EYA2: variants seen among roughly 807,000 people sequenced by gnomAD.
The protein encoded by EYA2 is protein phosphatase EYA2.
A neutral mutation model predicts 69.2 loss-of-function variants in EYA2; 31 were observed. That is an observed-to-expected ratio of 0.45 (90% CI 0.34 to 0.60). EYA2 has a LOEUF of 0.60. EYA2 is among the 20% of genes least tolerant of loss of function. EYA2 has a pLI of 0.02. For missense variants in EYA2, 622 were observed against 701.2 expected (o/e 0.89, Z 1.28); for synonymous variants, 257 against 279.4 (o/e 0.92, Z 0.80).
chr20:47,069,865 C>CAT (rs11470210), intron 5 of EYA2, among the ~76,000 whole-genome samples: 2 of 151,238 alleles, frequency 1.3e-5, no homozygotes, highest in African/African-American at 2.4e-5. Flanking sequence ...TATATATGCA[C>CAT]ATATATATAT....
At chr20:47,029,509 A>G (rs1984282539) in intron 5 of EYA2, among the ~76,000 whole-genome samples, 1 of 152,230 alleles carries the variant, frequency 6.6e-6, no homozygotes, top group African/African-American at 2.4e-5. Context: ...CAGGGGAAGC[A>G]TGATCAGGTC....
intron 5 of EYA2, among the ~76,000 whole-genome samples, chr20:47,067,745 T>G (rs2031169785): frequency 6.6e-6 from 1 of 152,236 alleles, no homozygotes; most frequent in African/African-American, 2.4e-5. Context: ...TCCTGATGTT[T>G]CCAGCTTTTT....
At chr20:46,904,394 T>G (rs1394569506) in intron 1 of EYA2, among the ~76,000 whole-genome samples, 4 of 151,354 alleles carry the variant, frequency 2.6e-5, no homozygotes, top group African/African-American at 9.7e-5. Context: ...CCAAACAGAT[T>G]TAAAATAATA....
At chr20:47,034,613 C>A (rs1288971010) in intron 5 of EYA2, among the ~76,000 whole-genome samples, 2 of 152,162 alleles carry the variant, frequency 1.3e-5, no homozygotes, top group East Asian at 3.8e-4. Context: ...TGCCCGAGGC[C>A]CTGTCCCCAC....
At chr20:46,940,898 C>T (rs1986128064) in intron 1 of EYA2, among the ~76,000 whole-genome samples, 2 of 152,194 alleles carry the variant, frequency 1.3e-5, no homozygotes, top group South Asian at 4.1e-4. Context: ...CCAGTGACCC[C>T]GGGGTGAAAG....
At chr20:47,112,483 A>G (rs2032774216) in intron 9 of EYA2, among the ~76,000 whole-genome samples, 1 of 152,244 alleles carries the variant, frequency 6.6e-6, no homozygotes, top group African/African-American at 2.4e-5. Flanking sequence ...ACTTGATTAT[A>G]TTATGCATAT....
chr20:46,992,346 A>G (rs1981732933), intron 2 of EYA2, among the ~76,000 whole-genome samples: 1 of 152,238 alleles, frequency 6.6e-6, no homozygotes, highest in East Asian at 1.9e-4. Context: ...CACAGGTGAT[A>G]GCCCAGATTT....
intron 4 of EYA2, among the ~76,000 whole-genome samples, chr20:47,015,137 G>A (rs530610200): frequency 5.8e-4 from 88 of 152,322 alleles, no homozygotes; most frequent in African/African-American, 2.0e-3. Context: ...GTTCCATAAA[G>A]CTGGTAATCG....
intron 1 of EYA2, chr20:46,901,235 A>G (rs896420848): frequency 4.6e-5 from 7 of 152,142 alleles, no homozygotes; most frequent in Non-Finnish European, 7.4e-5. Context: ...GATGTTTCCT[A>G]CCTGGTATTC....
At chr20:46,904,537 A>G (rs1038030586) in intron 1 of EYA2, among the ~76,000 whole-genome samples, 10 of 152,168 alleles carry the variant, frequency 6.6e-5, no homozygotes, top group African/African-American at 1.9e-4. Context: ...TGAGACTTCA[A>G]CGCTGCTATT....
At chr20:47,103,778 A>G (rs1360146832) in intron 9 of EYA2, among the ~76,000 whole-genome samples, 1 of 152,008 alleles carries the variant, frequency 6.6e-6, no homozygotes, top group Non-Finnish European at 1.5e-5. Context: ...ATTCAAGATG[A>G]GATTTGGGTG....
intron 7 of EYA2, among the ~76,000 whole-genome samples, chr20:47,088,448 T>C (rs574551330): frequency 6.6e-6 from 1 of 151,928 alleles, no homozygotes; most frequent in Non-Finnish European, 1.5e-5. Context: ...ATTGAGAGAG[T>C]TGTAAATGCA....
At chr20:46,998,767 C>T (rs1982185766) in intron 2 of EYA2, among the ~76,000 whole-genome samples, 1 of 152,220 alleles carries the variant, frequency 6.6e-6, no homozygotes, top group African/African-American at 2.4e-5. Context: ...TCTCCAGTTT[C>T]TCAATTCCTC....
chr20:46,951,965 A>G (rs950195148), intron 1 of EYA2, among the ~76,000 whole-genome samples: 1 of 152,176 alleles, frequency 6.6e-6, no homozygotes, highest in African/African-American at 2.4e-5. Flanking sequence ...ACAAATATTT[A>G]TTATGCTCCT....
At chr20:46,925,512 G>C (rs1396827993) in intron 1 of EYA2, among the ~76,000 whole-genome samples, 2 of 152,170 alleles carry the variant, frequency 1.3e-5, no homozygotes, top group African/African-American at 4.8e-5. Flanking sequence ...TAATCCATTA[G>C]AGAAATGGAT....
chr20:47,183,307 C>T lies in EYA2; in HGVS notation c.1452C>T (p.Phe484=), dbSNP rs773844580. Residue 484 remains phenylalanine (F), a synonymous_variant, in exon 15 of 16, where the codon TTC becomes TTT. Coordinates refer to ENST00000327619, the MANE Select transcript of EYA2 (RefSeq NM_005244.5). ...SATKTGKESC[F]ERIMQRFGRK... is the part of the protein sequence containing the mutation. Reference sequence around the variant, plus strand: ...TGCGTGCAGGGAAGGAGAGCTGCTTCGAGAGGATAATGCAGAGATTCGGCA... The same window carrying T: ...TGCGTGCAGGGAAGGAGAGCTGCTTTGAGAGGATAATGCAGAGATTCGGCA... The T allele has an allele frequency of 6.2e-7, 1 of 1,614,056 alleles. No homozygotes were observed. The highest frequency in any genetic ancestry group is 2.2e-5 in the East Asian group (1 of 44,876).
intron 5 of EYA2, among the ~76,000 whole-genome samples, chr20:47,045,562 A>G (rs2029987826): frequency 6.6e-6 from 1 of 152,204 alleles, no homozygotes; most frequent in African/African-American, 2.4e-5. Context: ...ATGTCTCACA[A>G]GTTTCTAGAG....
rs557825138 is a variant in EYA2, at chr20:47,169,012, C to T, written c.979-127C>T. 91 of 789,022 alleles carry T rather than the reference C, an allele frequency of 1.2e-4. 1 individual carries two copies. Among genetic ancestry groups the T allele is most frequent in the South Asian group, 5.7e-4 (38 of 66,918 alleles). The allele number at this position is 789,022 out of a possible 1,614,324, so 48.9% of individuals were successfully genotyped here. A position where few individuals can be genotyped will look rare whatever the true frequency, so the allele number is the denominator to read the frequency against. The stretch of plus-strand genomic sequence containing the variant: ...GAGTATCCAAATCCAGACTAGAACC[C>T]GAGCCTGATGACTCCCAGTGCAGTG... On this transcript the variant is annotated intron_variant, in intron 10 of 15. Coordinates refer to ENST00000327619, the MANE Select transcript of EYA2 (RefSeq NM_005244.5).
intron 5 of EYA2, among the ~76,000 whole-genome samples, chr20:47,043,467 C>T (rs1037734722): frequency 7.2e-5 from 11 of 152,142 alleles, no homozygotes; most frequent in East Asian, 1.9e-4. Flanking sequence ...CCTGGCTGCC[C>T]GTGGTCATGG....
Sources: allele counts gnomAD v4.1 joint callset (sites outside exome capture counted in the v4.1 genomes callset), GRCh38; gene constraint gnomAD v4.1.1; transcripts MANE v1.5; gene names NCBI Gene and HGNC (gene_info 2026-07-23, HGNC 2026-07-21).